The following THSD7A variants were observed in gnomAD, a reference collection of about 807,000 sequenced individuals.
THSD7A encodes thrombospondin type-1 domain-containing protein 7A.
A neutral mutation model predicts 231.3 loss-of-function variants in THSD7A; 96 were observed. That is an observed-to-expected ratio of 0.41 (90% CI 0.35 to 0.49). The LOEUF (loss-of-function observed/expected upper bound fraction) is 0.49. Ranked by LOEUF, THSD7A falls within the 20% of genes least tolerant of loss-of-function variation. The probability of loss-of-function intolerance (pLI) is 0.05; values close to 1 mark genes in which losing one functional copy is unlikely to be tolerated. For missense variants in THSD7A, 2,290 were observed against 2,070.2 expected, an observed-to-expected ratio of 1.11 and a Z score of -2.06; for synonymous variants, 940 against 743.3, an observed-to-expected ratio of 1.26 and a Z score of -4.30.
At chr7:11,549,059 A>G (rs1304975465) in intron 4 of THSD7A, among the ~76,000 whole-genome samples, 3 of 152,142 alleles carry the variant, frequency 2.0e-5, no homozygotes, top group Non-Finnish European at 4.4e-5. Flanking sequence ...TTAAAAGAAA[A>G]AAAACCCCAT....
chr7:11,750,591 T>C (rs937409057), intron 1 of THSD7A, among the ~76,000 whole-genome samples: 2 of 151,916 alleles, frequency 1.3e-5, no homozygotes, highest in African/African-American at 4.8e-5. Flanking sequence ...GGGACCCCAA[T>C]CAAGTAAGGT....
At chr7:11,599,723 G>C (rs920135031) in intron 2 of THSD7A, among the ~76,000 whole-genome samples, 1 of 152,136 alleles carries the variant, frequency 6.6e-6, no homozygotes, top group African/African-American at 2.4e-5. Flanking sequence ...AAGTTGACAA[G>C]GGGTGGATCT....
intron 1 of THSD7A, chr7:11,820,318 T>C (rs933555693): frequency 5.5e-6 from 4 of 733,776 alleles, no homozygotes; most frequent in Non-Finnish European, 8.0e-6. Flanking sequence ...GAGTGGACCC[T>C]ACTCGGTTGT....
chr7:11,813,814 C>A (rs1784602753), intron 1 of THSD7A, among the ~76,000 whole-genome samples: 1 of 151,894 alleles, frequency 6.6e-6, no homozygotes, highest in Non-Finnish European at 1.5e-5. Flanking sequence ...TAAGATCCAG[C>A]AATGTAACTC....
chr7:11,546,189 G>GGTGCGGGCGC (rs1211087296), intron 4 of THSD7A, among the ~76,000 whole-genome samples: 1,998 of 84,222 alleles, frequency 0.024, 48 homozygotes, highest in East Asian at 0.052. Flanking sequence ...TGTTGTTGCT[G>GGTGCGGGCGC]GTGTGGGCGC....
chr7:11,684,646 A>G (rs191291640), intron 1 of THSD7A, among the ~76,000 whole-genome samples: 522 of 151,982 alleles, frequency 3.4e-3, no homozygotes, highest in African/African-American at 0.012. Context: ...AGTCCATACA[A>G]AAAATATCTA....
intron 4 of THSD7A, among the ~76,000 whole-genome samples, chr7:11,586,751 C>A (rs1779926471): frequency 6.6e-6 from 1 of 152,114 alleles, no homozygotes; most frequent in South Asian, 2.1e-4. Context: ...CTTTGTTGAG[C>A]ATGAGGAAAT....
chr7:11,593,472 G>A lies in THSD7A; in HGVS notation c.1053C>T (p.Thr351=), dbSNP rs1003783596. ...CTTTGGTGATCACACAGGACTGGAA[G>A]GTCATTGGAAGCTTCTCTTGCTGGC... ...SFCQQEKLPM[T]FQSCVITKEC... The change falls in exon 3 of 28, where the codon ACC becomes ACT. Residue 351 remains threonine (T), a synonymous_variant. Transcript: ENST00000423059. The A allele has an allele frequency of 3.7e-6, 6 of 1,613,898 alleles. No homozygotes were observed. The Admixed American group carries it at 5.0e-5, about 13-fold the overall frequency.
At chr7:11,682,804 A>AT (rs1200340897) in intron 1 of THSD7A, among the ~76,000 whole-genome samples, 1 of 151,774 alleles carries the variant, frequency 6.6e-6, no homozygotes, top group African/African-American at 2.4e-5. Flanking sequence ...CAGAATATAC[A>AT]TTTTTCTCAT....
At chr7:11,604,295 A>T (rs1780664701) in intron 2 of THSD7A, among the ~76,000 whole-genome samples, 1 of 152,098 alleles carries the variant, frequency 6.6e-6, no homozygotes, top group South Asian at 2.1e-4. Flanking sequence ...AAACTGAGTG[A>T]GGTATTATGA....
At chr7:11,704,595 C>G (rs1418128499) in intron 1 of THSD7A, among the ~76,000 whole-genome samples, 1 of 150,748 alleles carries the variant, frequency 6.6e-6, no homozygotes, top group African/African-American at 2.4e-5. Context: ...CATAAAGGAG[C>G]ATTTTTGCCA....
rs952313812 is a variant in THSD7A, at chr7:11,624,628, C to T, written c.1022+11502G>A. ...TACCTTAATAAATATAGGTACAGTC[C>T]TTCTCTCAAAAACTTTAGTTGTTTT... is the stretch of plus-strand genomic sequence containing the variant. On this transcript the variant is annotated intron_variant, in intron 2 of 27. Coordinates refer to ENST00000423059, the MANE Select transcript of THSD7A (RefSeq NM_015204.3). 2.6e-5 allele frequency among the ~76,000 whole-genome samples: 4 copies of T among 152,024 alleles called. No individual in the cohort carries two copies. The South Asian group carries it at 8.3e-4, about 32-fold the overall frequency.
chr7:11,792,213 G>C (rs902021455), intron 1 of THSD7A, among the ~76,000 whole-genome samples: 75 of 151,744 alleles, frequency 4.9e-4, no homozygotes, highest in African/African-American at 1.7e-3. Flanking sequence ...GCCCTTTCTG[G>C]CTTGACTATT....
Position 11,668,513 on chromosome 7 carries a change from G to GA in THSD7A, c.191-31553dup, listed in dbSNP as rs1216525322. On this transcript the variant is annotated intron_variant, in intron 1 of 27. Coordinates refer to ENST00000423059, the MANE Select transcript of THSD7A (RefSeq NM_015204.3). ...AAAGAGAGAGAGAGAGAGAAAGAAA[G>GA]AAAAAAAGAAAGACAGAAAGAAAGA... Among the ~76,000 whole-genome samples the GA allele has an allele frequency of 5.0e-5, 7 of 139,394 alleles. No individual in the cohort carries two copies. The East Asian group carries it at 1.4e-3, about 28-fold the overall frequency. 91.4% of individuals were successfully genotyped at this position (139,394 alleles called of 152,430 possible). A position where few individuals can be genotyped will look rare whatever the true frequency, so the allele number is the denominator to read the frequency against.
chr7:11,540,494 C>G (rs191415354), intron 6 of THSD7A, among the ~76,000 whole-genome samples: 24 of 152,348 alleles, frequency 1.6e-4, no homozygotes, highest in African/African-American at 4.1e-4. Flanking sequence ...CAGGGTGTTT[C>G]TGCACATGCT....
rs780835208 is a variant in THSD7A, at chr7:11,412,795, G to A, written c.3543C>T (p.Cys1181=). 6.2e-7 allele frequency: 1 copy of A among 1,610,910 alleles called. No homozygotes were observed. Among genetic ancestry groups the A allele is most frequent in the Admixed American group, 1.7e-5 (1 of 59,532 alleles). Reference sequence around the variant, plus strand: ...ACCTTTGCCGGAAACTGCTTTGATTGCAAGGCTTAAAAAGAACAGTACAAA... The same window carrying A: ...ACCTTTGCCGGAAACTGCTTTGATTACAAGGCTTAAAAAGAACAGTACAAA... ...WGPWTQCVLP[C]NQSSFRQRSA... is the part of the protein sequence containing the mutation. The change falls in exon 18 of 28, where the codon TGC becomes TGT. Residue 1181 remains cysteine, a synonymous_variant. Coordinates refer to ENST00000423059, the MANE Select transcript of THSD7A (RefSeq NM_015204.3).
intron 1 of THSD7A, among the ~76,000 whole-genome samples, chr7:11,775,767 A>C (rs565871922): frequency 2.2e-4 from 34 of 152,198 alleles, no homozygotes; most frequent in Non-Finnish European, 4.7e-4. Context: ...ATGGTGTTGC[A>C]CAACAATGTT....
intron 1 of THSD7A, among the ~76,000 whole-genome samples, chr7:11,815,602 G>C (rs950315194): frequency 6.6e-6 from 1 of 152,054 alleles, no homozygotes; most frequent in African/African-American, 2.4e-5. Flanking sequence ...CATTTAATTA[G>C]CACTACCTAA....
At chr7:11,691,220 C>T (rs1300703734) in intron 1 of THSD7A, among the ~76,000 whole-genome samples, 2 of 151,394 alleles carry the variant, frequency 1.3e-5, no homozygotes, top group Non-Finnish European at 3.0e-5. Flanking sequence ...CAATGATGAA[C>T]AAAAAGATTC....
Sources: allele counts gnomAD v4.1 joint callset (sites outside exome capture counted in the v4.1 genomes callset), GRCh38; gene constraint gnomAD v4.1.1; transcripts MANE v1.5; gene names NCBI Gene and HGNC (gene_info 2026-07-23, HGNC 2026-07-21).